Variants in SKAP1 observed in about 807,000 individuals in gnomAD.
SKAP1 encodes src kinase-associated phosphoprotein 1.
SKAP1 carries 44 observed loss-of-function variants against 58.5 expected under a neutral mutation model. That is an observed-to-expected ratio of 0.75 (90% CI 0.59 to 0.97). SKAP1 has a LOEUF of 0.97. Ranked by LOEUF, SKAP1 falls within the 50% of genes least tolerant of loss-of-function variation. The pLI is 0.00. For synonymous variants in SKAP1, 127 were observed against 149.7 expected, an observed-to-expected ratio of 0.85 and a Z score of 1.11; for missense variants, 390 against 435.2, an observed-to-expected ratio of 0.90 and a Z score of 0.92.
intron 11 of SKAP1, among the ~76,000 whole-genome samples, chr17:48,138,070 CAGAG>C (rs934862117): frequency 2.0e-5 from 3 of 152,058 alleles, no homozygotes; most frequent in African/African-American, 7.3e-5. Flanking sequence ...AGGCTAGTCA[CAGAG>C]AGGAACAAAC....
chr17:48,296,123 G>T (rs779855545), intron 4 of SKAP1, among the ~76,000 whole-genome samples: 4 of 151,982 alleles, frequency 2.6e-5, no homozygotes, highest in Admixed American at 6.6e-5. Flanking sequence ...TCAGGGAATT[G>T]TATGAACTTT....
intron 4 of SKAP1, chr17:48,248,986 G>C (rs2065330693): frequency 6.6e-6 from 1 of 152,042 alleles, no homozygotes; most frequent in African/African-American, 2.4e-5. Context: ...ACGAGGTCAG[G>C]AGATCGAGAC....
intron 3 of SKAP1, among the ~76,000 whole-genome samples, chr17:48,357,448 G>A (rs2066889222): frequency 6.6e-6 from 1 of 152,078 alleles, no homozygotes. Flanking sequence ...GGCTAATACG[G>A]TGAAACCCTG....
At chr17:48,339,576 A>G (rs1240788181) in intron 4 of SKAP1, among the ~76,000 whole-genome samples, 2 of 152,180 alleles carry the variant, frequency 1.3e-5, no homozygotes, top group African/African-American at 2.4e-5. Flanking sequence ...ACTATGTATT[A>G]TTGGTGCTAG....
chr17:48,293,632 A>C (rs147075209), intron 4 of SKAP1, among the ~76,000 whole-genome samples: 320 of 152,344 alleles, frequency 2.1e-3, no homozygotes, highest in South Asian at 3.7e-3. Flanking sequence ...CAAGGCTTAC[A>C]AGTCAGCTTT....
intron 4 of SKAP1, among the ~76,000 whole-genome samples, chr17:48,211,050 C>T (rs1436140787): frequency 6.7e-6 from 1 of 148,256 alleles, no homozygotes; most frequent in Non-Finnish European, 1.5e-5. Flanking sequence ...GCACTTCATG[C>T]TCCTCTTTTT....
intron 11 of SKAP1, among the ~76,000 whole-genome samples, chr17:48,143,156 A>G (rs940915074): frequency 1.4e-5 from 2 of 147,080 alleles, no homozygotes; most frequent in African/African-American, 2.5e-5. Flanking sequence ...ACAGTTCGCA[A>G]CGTCTTATGG....
chr17:48,443,080 C>A, the SKAP1 span, among the ~76,000 whole-genome samples: 4 of 152,156 alleles, frequency 2.6e-5, no homozygotes, highest in African/African-American at 4.8e-5. Context: ...GCTGTTCCTT[C>A]TGTCTACAAC....
At chr17:48,276,807 C>T (rs2065706798) in intron 4 of SKAP1, among the ~76,000 whole-genome samples, 1 of 152,276 alleles carries the variant, frequency 6.6e-6, no homozygotes, top group African/African-American at 2.4e-5. Context: ...TTCAATTTTG[C>T]TTAATTGACA....
Position 48,216,342 on chromosome 17 carries a change from C to A in SKAP1, c.281-26842G>T, listed in dbSNP as rs575853631. Among the ~76,000 whole-genome samples, 3 of 152,278 alleles carry A rather than the reference C, an allele frequency of 2.0e-5. No individual in the cohort carries two copies. The East Asian group carries it at 5.8e-4, about 29-fold the overall frequency. Reference sequence around the variant, plus strand: ...AGAGAGCTTACAACTGAGATTCTATCTTGACAACATCCCATTGATAGAGTG... The same window carrying A: ...AGAGAGCTTACAACTGAGATTCTATATTGACAACATCCCATTGATAGAGTG... On this transcript the variant is annotated intron_variant, in intron 4 of 12. Coordinates refer to ENST00000336915, the MANE Select transcript of SKAP1 (RefSeq NM_003726.4).
chr17:48,154,279 G>A (rs1043278158), intron 11 of SKAP1, among the ~76,000 whole-genome samples: 3 of 152,222 alleles, frequency 2.0e-5, no homozygotes, highest in African/African-American at 7.2e-5. Context: ...GGGTGACAAA[G>A]TCCATTCTTC....
intron 4 of SKAP1, among the ~76,000 whole-genome samples, chr17:48,217,401 CTG>C (rs2143705959): frequency 6.6e-6 from 1 of 152,254 alleles, no homozygotes; most frequent in Non-Finnish European, 1.5e-5. Context: ...CAGATAAAAA[CTG>C]CAGGAGACCG....
intron 4 of SKAP1, among the ~76,000 whole-genome samples, chr17:48,331,362 C>G (rs1323993617): frequency 6.6e-6 from 1 of 152,126 alleles, no homozygotes; most frequent in Non-Finnish European, 1.5e-5. Flanking sequence ...TCTCTTTTAA[C>G]CTCTGCTCTT....
the SKAP1 span, among the ~76,000 whole-genome samples, chr17:48,437,932 C>T: frequency 2.0e-5 from 3 of 152,052 alleles, no homozygotes; most frequent in African/African-American, 7.2e-5. Flanking sequence ...AATGTCACCT[C>T]TTTGGGTTTG....
Position 48,396,666 on chromosome 17 carries a change from C to T in SKAP1, c.152+14G>A. 1 of 1,520,992 alleles carries T rather than the reference C, an allele frequency of 6.6e-7. No individual in the cohort carries two copies. Among genetic ancestry groups the T allele is most frequent in the African/African-American group, 1.4e-5 (1 of 72,668 alleles). 94.2% of individuals were successfully genotyped at this position (1,520,992 alleles called of 1,614,324 possible). On this transcript the variant is annotated intron_variant, in intron 2 of 12. Transcript: ENST00000336915. ...AGCTTATGAAGAAGATTAATGGAACCAGTTTATACAAACCTGGCTTTGATT... is the reference window on the plus strand; with the variant it reads ...AGCTTATGAAGAAGATTAATGGAACTAGTTTATACAAACCTGGCTTTGATT...
At chr17:48,382,761 C>T (rs2144486647) in intron 2 of SKAP1, among the ~76,000 whole-genome samples, 1 of 152,268 alleles carries the variant, frequency 6.6e-6, no homozygotes, top group Admixed American at 6.5e-5. Context: ...GCCATCTTAA[C>T]CAAAAGTTGG....
At chr17:48,396,815 A>G in intron 1 of SKAP1, 30 bp from the exon 2 acceptor site, 1 of 1,526,608 alleles carries the variant, frequency 6.6e-7, no homozygotes. Flanking sequence ...GATAAAACAG[A>G]AAAGATGTAC....
chr17:48,411,003 C>T (rs2067656721), intron 1 of SKAP1, among the ~76,000 whole-genome samples: 1 of 144,540 alleles, frequency 6.9e-6, no homozygotes, highest in Non-Finnish European at 1.5e-5. Flanking sequence ...GTGGCCAAAA[C>T]TGGAACAATT....
chr17:48,218,445 T>C (rs1327186835), intron 4 of SKAP1, among the ~76,000 whole-genome samples: 1 of 152,192 alleles, frequency 6.6e-6, no homozygotes, highest in Non-Finnish European at 1.5e-5. Context: ...CCTCATCACT[T>C]AATCAATTCT....
Sources: gnomAD v4.1 joint callset for allele counts (sites outside exome capture counted in the v4.1 genomes callset) on GRCh38, gnomAD v4.1.1 for gene constraint, MANE v1.5 for transcripts, NCBI Gene and HGNC (gene_info 2026-07-23, HGNC 2026-07-21) for gene names.